The following DLGAP1 variants were observed in gnomAD, a reference collection of about 807,000 sequenced individuals.
The protein encoded by DLGAP1 is DLG associated protein 1, also known as disks large-associated protein 1.
In DLGAP1, 11 loss-of-function variants were observed where a neutral mutation model predicts 90.8. The observed-to-expected ratio is 0.12, with a 90% CI of 0.08 to 0.20. The LOEUF (loss-of-function observed/expected upper bound fraction) is 0.20. Ranked by LOEUF, DLGAP1 falls within the 10% of genes least tolerant of loss-of-function variation. The pLI, the probability that DLGAP1 is intolerant of heterozygous loss-of-function variation, is 1.00. For missense variants in DLGAP1, 1,050 were observed against 1,333.8 expected (o/e 0.79, Z 3.31); for synonymous variants, 558 against 540.7 (o/e 1.03, Z -0.44).
At chr18:3,638,308 T>C (rs1172115112) in intron 7 of DLGAP1, among the ~76,000 whole-genome samples, 1 of 148,962 alleles carries the variant, frequency 6.7e-6, no homozygotes, top group Non-Finnish European at 1.5e-5. Context: ...AGTGCAGTGG[T>C]GCAATCATAG....
chr18:4,388,967 A>T (rs1209838035), intron 1 of DLGAP1, among the ~76,000 whole-genome samples: 1 of 152,184 alleles, frequency 6.6e-6, no homozygotes, highest in Non-Finnish European at 1.5e-5. Context: ...TCAAAATATT[A>T]AAAATTGAGT....
intron 2 of DLGAP1, among the ~76,000 whole-genome samples, chr18:4,058,774 C>T (rs1368957874): frequency 6.6e-6 from 1 of 152,204 alleles, no homozygotes; most frequent in Non-Finnish European, 1.5e-5. Flanking sequence ...TGCCTTGAGA[C>T]CTTCAAGGTC....
rs138894149 is a variant in DLGAP1, at chr18:4,249,288, G to T, written c.-266-98001C>A. Among the ~76,000 whole-genome samples the T allele has an allele frequency of 2.7e-4, 41 of 152,216 alleles. 1 individual carries two copies. The highest frequency in any genetic ancestry group is 8.7e-4 in the African/African-American group (36 of 41,550). On this transcript the variant is annotated intron_variant, in intron 1 of 12. Coordinates refer to ENST00000315677, the MANE Select transcript of DLGAP1 (RefSeq NM_004746.4). The stretch of plus-strand genomic sequence containing the variant: ...TGCCGGGCACAAAGTAAAATGCTCA[G>T]TGTAGAGCTCCTGAATTAATACATG...
intron 1 of DLGAP1, among the ~76,000 whole-genome samples, chr18:4,452,397 T>C (rs2083856924): frequency 6.6e-6 from 1 of 152,156 alleles, no homozygotes; most frequent in African/African-American, 2.4e-5. Context: ...CTTTGCTGCA[T>C]ATTAGTGAAT....
At chr18:3,855,866 C>T (rs963405300) in intron 4 of DLGAP1, among the ~76,000 whole-genome samples, 1 of 152,204 alleles carries the variant, frequency 6.6e-6, no homozygotes, top group Non-Finnish European at 1.5e-5. Context: ...CTGCCTCGGC[C>T]TCTCAAAGTG....
At chr18:3,735,496 T>C (rs2062601746) in intron 6 of DLGAP1, among the ~76,000 whole-genome samples, 1 of 152,190 alleles carries the variant, frequency 6.6e-6, no homozygotes, top group South Asian at 2.1e-4. Flanking sequence ...ATACTAAGAT[T>C]ACAGGCGTGA....
chr18:3,810,300 C>G (rs1324887455), intron 5 of DLGAP1, among the ~76,000 whole-genome samples: 3 of 152,116 alleles, frequency 2.0e-5, no homozygotes, highest in African/African-American at 7.2e-5. Context: ...CACTAAGCAG[C>G]TGATGAAAAA....
At chr18:3,612,203 T>C (rs1042626496) in intron 7 of DLGAP1, among the ~76,000 whole-genome samples, 2 of 152,130 alleles carry the variant, frequency 1.3e-5, no homozygotes, top group Non-Finnish European at 2.9e-5. Context: ...ATATTAAAAA[T>C]AATGTAAGTT....
chr18:4,082,457 G>C (rs1423351934), intron 2 of DLGAP1, among the ~76,000 whole-genome samples: 2 of 137,202 alleles, frequency 1.5e-5, no homozygotes, highest in African/African-American at 5.4e-5. Flanking sequence ...GTTGCAGTGA[G>C]TTGAGATTGT....
At chr18:3,830,389 C>T (rs1250704316) in intron 4 of DLGAP1, among the ~76,000 whole-genome samples, 1 of 152,060 alleles carries the variant, frequency 6.6e-6, no homozygotes, top group African/African-American at 2.4e-5. Flanking sequence ...CATGGTGAAA[C>T]CCCATCTCTA....
intron 1 of DLGAP1, among the ~76,000 whole-genome samples, chr18:4,270,541 T>C (rs2079254328): frequency 6.6e-6 from 1 of 152,194 alleles, no homozygotes; most frequent in Non-Finnish European, 1.5e-5. Context: ...GATGGTTTCA[T>C]CACACAAAAC....
intron 1 of DLGAP1, among the ~76,000 whole-genome samples, chr18:4,208,097 T>C (rs368634969): frequency 6.6e-6 from 1 of 152,158 alleles, no homozygotes; most frequent in East Asian, 1.9e-4. Context: ...TCTACACAAT[T>C]AAGTTTAAAA....
intron 3 of DLGAP1, among the ~76,000 whole-genome samples, chr18:3,931,677 T>C (rs1342759330): frequency 6.6e-6 from 1 of 152,228 alleles, no homozygotes; most frequent in Admixed American, 6.5e-5. Context: ...CAAAAGCATC[T>C]AAGGACATAT....
At chr18:3,570,264 C>T (rs1322694176) in intron 8 of DLGAP1, among the ~76,000 whole-genome samples, 3 of 149,116 alleles carry the variant, frequency 2.0e-5, no homozygotes, top group Non-Finnish European at 1.5e-5. Context: ...ATTGACCTTC[C>T]CTCTCCTTTT....
rs60590153 is a variant in DLGAP1, at chr18:3,691,592, T to TTA, written c.1591+37541_1591+37542dup. Among the ~76,000 whole-genome samples the TTA allele has an allele frequency of 8.6e-3, 1,316 of 152,176 alleles. 8 individuals carry two copies. The highest frequency in any genetic ancestry group is 0.014 in the Non-Finnish European group (927 of 68,002). On this transcript the variant is annotated intron_variant, in intron 7 of 12. Coordinates refer to ENST00000315677, the MANE Select transcript of DLGAP1 (RefSeq NM_004746.4). Reference sequence around the variant, plus strand: ...CCAAAAGAAAAACAAAAGAAGTCCTTTATAATTCCACCAAACATTTTAAAA... The same window carrying TTA: ...CCAAAAGAAAAACAAAAGAAGTCCTTTATATAATTCCACCAAACATTTTAAAA...
chr18:3,879,155 T>C lies in DLGAP1; in HGVS notation c.914A>G (p.Lys305Arg). 1 of 1,510,166 alleles carries C rather than the reference T, an allele frequency of 6.6e-7. No individual in the cohort carries two copies. The highest frequency in any genetic ancestry group is 8.9e-7 in the Non-Finnish European group (1 of 1,129,100). The allele number at this position is 1,510,166 out of a possible 1,614,324, so 93.5% of individuals were successfully genotyped here. A position where few individuals can be genotyped will look rare whatever the true frequency, so the allele number is the denominator to read the frequency against. The change falls in exon 4 of 13, where the codon AAG becomes AGG. Residue 305 changes from lysine (K) to arginine (R), a missense_variant. Physicochemically the swap from Lys to Arg is conservative, Grantham distance 26 (BLOSUM62 2). Transcript: ENST00000315677. The surrounding 1 kb of genome is among the most constrained non-coding windows in gnomAD (Gnocchi z 6.6). ...GCGTTCTTGCTGACACGACTCGGACTTCACCATGGCCTGGTCCATGTTCAC... is the reference window on the plus strand; with the variant it reads ...GCGTTCTTGCTGACACGACTCGGACCTCACCATGGCCTGGTCCATGTTCAC... ...ASVNMDQAMV[K>R]SESCQQERSC...
At chr18:3,516,228 T>A (rs1005698203) in intron 10 of DLGAP1, among the ~76,000 whole-genome samples, 10 of 152,148 alleles carry the variant, frequency 6.6e-5, no homozygotes, top group African/African-American at 2.2e-4. Context: ...CTTTTTTTTT[T>A]AATTTTTAAA....
chr18:4,367,709 C>T (rs999836438), intron 1 of DLGAP1, among the ~76,000 whole-genome samples: 3 of 151,940 alleles, frequency 2.0e-5, no homozygotes, highest in Admixed American at 2.0e-4. Flanking sequence ...ATTAGCTGGG[C>T]GTCGTGGCAG....
At chr18:3,582,616 G>GA (rs2055588649) in intron 7 of DLGAP1, among the ~76,000 whole-genome samples, 1 of 152,098 alleles carries the variant, frequency 6.6e-6, no homozygotes. Context: ...TGTCTTCAGG[G>GA]AAAAAACTAA....
Sources: gnomAD v4.1 joint callset for allele counts (sites outside exome capture counted in the v4.1 genomes callset) on GRCh38, gnomAD v4.1.1 for gene constraint, Gnocchi (gnomAD v3.1) non-coding constraint, MANE v1.5 for transcripts, NCBI Gene and HGNC (gene_info 2026-07-23, HGNC 2026-07-21) for gene names.